STAU2: variants seen among roughly 807,000 people sequenced by gnomAD.
STAU2 encodes double-stranded RNA-binding protein Staufen homolog 2.
A neutral mutation model predicts 65.9 loss-of-function variants in STAU2; 20 were observed. The observed-to-expected ratio is 0.30, with a 90% confidence interval of 0.21 to 0.44. The LOEUF (loss-of-function observed/expected upper bound fraction) is 0.44, where lower values mean the gene tolerates loss of function less well. Ranked by LOEUF, STAU2 falls within the 20% of genes least tolerant of loss-of-function variation. The pLI, the probability that STAU2 is intolerant of heterozygous loss-of-function variation, is 1.00. For synonymous variants in STAU2, 232 were observed against 233.9 expected (o/e 0.99, Z 0.07); for missense variants, 558 against 683.9 (o/e 0.82, Z 2.05).
chr8:73,603,414 C>T (rs749619927), intron 10 of STAU2, among the ~76,000 whole-genome samples: 20 of 152,114 alleles, frequency 1.3e-4, no homozygotes, highest in Non-Finnish European at 2.4e-4. Context: ...TCTCCAATTC[C>T]CAGTAGTTAA....
intron 13 of STAU2, among the ~76,000 whole-genome samples, chr8:73,486,057 C>A (rs1820894217): frequency 6.6e-6 from 1 of 152,048 alleles, no homozygotes; most frequent in African/African-American, 2.4e-5. Flanking sequence ...GGAGTCTAGA[C>A]AGAGGGAACA....
chr8:73,553,638 C>T (rs1047243662), intron 12 of STAU2, among the ~76,000 whole-genome samples: 1 of 151,928 alleles, frequency 6.6e-6, no homozygotes, highest in East Asian at 1.9e-4. Context: ...ATGCTGGAGG[C>T]TAGCCCAACT....
At chr8:73,549,051 G>T (rs1023298476) in intron 13 of STAU2, among the ~76,000 whole-genome samples, 4 of 152,092 alleles carry the variant, frequency 2.6e-5, no homozygotes, top group African/African-American at 9.7e-5. Context: ...AGTGTCTTTT[G>T]CATAATAAGT....
chr8:73,557,565 G>A (rs986725359), intron 12 of STAU2, among the ~76,000 whole-genome samples: 1 of 152,186 alleles, frequency 6.6e-6, no homozygotes. Context: ...AGTAGGATGT[G>A]ACTGTTTTCC....
chr8:73,623,368 A>T (rs911262578), intron 6 of STAU2, among the ~76,000 whole-genome samples: 1 of 152,202 alleles, frequency 6.6e-6, no homozygotes, highest in Non-Finnish European at 1.5e-5. Context: ...CATATCCCAA[A>T]TAACATTAGG....
chr8:73,724,414 TTA>T (rs1168082990), intron 3 of STAU2, among the ~76,000 whole-genome samples: 2 of 152,108 alleles, frequency 1.3e-5, no homozygotes, highest in African/African-American at 4.8e-5. Flanking sequence ...ATGGTTCACC[TTA>T]TGATTCAACT....
chr8:73,564,116 G>C (rs1808432236), intron 12 of STAU2, among the ~76,000 whole-genome samples: 1 of 152,032 alleles, frequency 6.6e-6, no homozygotes, highest in Admixed American at 6.6e-5. Context: ...CTTCTCCCTT[G>C]GGGTAAAGGT....
At chr8:73,473,811 T>C (rs1444131702) in intron 13 of STAU2, among the ~76,000 whole-genome samples, 3 of 152,098 alleles carry the variant, frequency 2.0e-5, no homozygotes, top group African/African-American at 7.2e-5. Context: ...ATTAGAACAC[T>C]TAGACCCACC....
At chr8:73,538,717 T>C (rs1186756988) in intron 13 of STAU2, among the ~76,000 whole-genome samples, 2 of 150,860 alleles carry the variant, frequency 1.3e-5, no homozygotes, top group African/African-American at 4.9e-5. Flanking sequence ...TGCATGAGAA[T>C]CATAGTAATG....
At chr8:73,469,451 T>A (rs1425379730) in intron 13 of STAU2, among the ~76,000 whole-genome samples, 1 of 136,440 alleles carries the variant, frequency 7.3e-6, no homozygotes, top group Non-Finnish European at 1.5e-5. Flanking sequence ...ACTTAAAGTA[T>A]AATAAAATAT....
At chr8:73,430,975 T>C (rs1219091881) in intron 13 of STAU2, among the ~76,000 whole-genome samples, 1 of 152,204 alleles carries the variant, frequency 6.6e-6, no homozygotes, top group Admixed American at 6.5e-5. Flanking sequence ...AACAAGGTGT[T>C]TAAATCCTAC....
At chr8:73,649,147 G>A (rs1815623181) in intron 6 of STAU2, among the ~76,000 whole-genome samples, 1 of 152,170 alleles carries the variant, frequency 6.6e-6, no homozygotes, top group South Asian at 2.1e-4. Context: ...ATCAAGCCAA[G>A]AAAGAGTAGT....
At chr8:73,573,562 C>T (rs893323552) in intron 12 of STAU2, among the ~76,000 whole-genome samples, 1 of 152,110 alleles carries the variant, frequency 6.6e-6, no homozygotes, top group African/African-American at 2.4e-5. Context: ...GAGATATAGA[C>T]CAATGGAACA....
intron 6 of STAU2, among the ~76,000 whole-genome samples, chr8:73,645,311 C>T (rs1815288364): frequency 6.6e-6 from 1 of 152,146 alleles, no homozygotes; most frequent in Non-Finnish European, 1.5e-5. Flanking sequence ...TCAATGTAAT[C>T]TATCACATTA....
chr8:73,443,903 T>G (rs1434825117), intron 13 of STAU2, among the ~76,000 whole-genome samples: 2 of 150,720 alleles, frequency 1.3e-5, no homozygotes, highest in East Asian at 3.9e-4. Flanking sequence ...CCAGTTAAAG[T>G]TAGCTAACTG....
chr8:73,581,408 T>C lies in STAU2; in HGVS notation c.1222+1362A>G, dbSNP rs1381543333. 2.0e-5 allele frequency among the ~76,000 whole-genome samples: 3 copies of C among 152,322 alleles called. No homozygotes were observed. The East Asian group carries it at 5.8e-4, about 29-fold the overall frequency. ...GACAAAAGTATAAGAATGGAATTTC[T>C]GGCACGCCTACATAGAATAGTATCA... is the stretch of plus-strand genomic sequence containing the variant. On this transcript the variant is annotated intron_variant, in intron 12 of 14. Transcript: ENST00000524300.
upstream of STAU2, chr8:73,747,413 C>G (rs534380116): frequency 1.3e-6 from 2 of 1,535,466 alleles, no homozygotes; most frequent in African/African-American, 1.4e-5. Context: ...GGCTGCCCCT[C>G]TGTGCTGTGC....
chr8:73,746,951 C>T, upstream of STAU2: 1 of 841,802 alleles, frequency 1.2e-6, no homozygotes, highest in African/African-American at 1.8e-5. Context: ...GCGCTCGCGC[C>T]GCGCGCCCCC....
intron 6 of STAU2, among the ~76,000 whole-genome samples, chr8:73,639,727 T>C (rs1217782924): frequency 1.3e-5 from 2 of 152,146 alleles, no homozygotes; most frequent in Non-Finnish European, 2.9e-5. Flanking sequence ...AATAATTCCA[T>C]TATCCTTGTT....
Sources: allele counts gnomAD v4.1 joint callset (sites outside exome capture counted in the v4.1 genomes callset), GRCh38; gene constraint gnomAD v4.1.1; transcripts MANE v1.5; gene names NCBI Gene and HGNC (gene_info 2026-07-23, HGNC 2026-07-21).